Variants in CNBD1 observed in about 807,000 individuals in gnomAD.
CNBD1 encodes cyclic nucleotide binding domain containing 1.
Under a neutral mutation model 54.4 loss-of-function variants are expected in CNBD1, and 71 were observed. The observed-to-expected ratio is 1.30, with a 90% CI of 1.08 to 1.59. CNBD1 has a LOEUF of 1.59. CNBD1 is among the 40% of genes most tolerant of loss of function. The probability of loss-of-function intolerance (pLI) is 0.00; values close to 1 mark genes in which losing one functional copy is unlikely to be tolerated. For missense variants in CNBD1, 659 were observed against 518.0 expected, an observed-to-expected ratio of 1.27 and a Z score of -2.64; for synonymous variants, 182 against 170.7, an observed-to-expected ratio of 1.07 and a Z score of -0.51.
intron 6 of CNBD1, among the ~76,000 whole-genome samples, chr8:87,258,150 G>C (rs919824161): frequency 6.6e-6 from 1 of 152,094 alleles, no homozygotes; most frequent in South Asian, 2.1e-4. Flanking sequence ...TTAGAGATCA[G>C]AAAAGACCAT....
chr8:87,309,085 T>G (rs1355083101), intron 8 of CNBD1, among the ~76,000 whole-genome samples: 1 of 152,108 alleles, frequency 6.6e-6, no homozygotes, highest in Non-Finnish European at 1.5e-5. Context: ...ATGCTGATTT[T>G]CGTTCTTTTG....
At chr8:87,423,506 A>G (rs1807983866) in intron 2 of CNBD1, among the ~76,000 whole-genome samples, 1 of 151,586 alleles carries the variant, frequency 6.6e-6, no homozygotes, top group South Asian at 2.1e-4. Context: ...ATTTTGTCAA[A>G]GGCCTTTTCT....
At chr8:87,043,818 G>A (rs1000640333) in intron 4 of CNBD1, among the ~76,000 whole-genome samples, 1 of 152,134 alleles carries the variant, frequency 6.6e-6, no homozygotes, top group African/African-American at 2.4e-5. Context: ...TATTTCTTTA[G>A]CGTAGCAACA....
chr8:87,279,212 G>T (rs1260103359), intron 6 of CNBD1, among the ~76,000 whole-genome samples: 1 of 150,906 alleles, frequency 6.6e-6, no homozygotes, highest in Non-Finnish European at 1.5e-5. Context: ...TGTAATTTAG[G>T]GTACACTTTA....
At chr8:86,903,331 A>C (rs1808967437) in intron 2 of CNBD1, among the ~76,000 whole-genome samples, 1 of 152,154 alleles carries the variant, frequency 6.6e-6, no homozygotes, top group Non-Finnish European at 1.5e-5. Context: ...TTTGGAAATA[A>C]ATTTTTTATC....
intron 4 of CNBD1, among the ~76,000 whole-genome samples, chr8:87,001,377 G>A (rs866547144): frequency 6.6e-6 from 1 of 151,934 alleles, no homozygotes; most frequent in Non-Finnish European, 1.5e-5. Context: ...ATTTATTTAA[G>A]TTTTGCTTTA....
At chr8:86,892,006 TAGAG>T (rs921059833) in intron 2 of CNBD1, among the ~76,000 whole-genome samples, 7 of 151,996 alleles carry the variant, frequency 4.6e-5, no homozygotes, top group Admixed American at 2.6e-4. Context: ...TGTCTGCAAA[TAGAG>T]AGTTTCCCTG....
At chr8:86,975,447 T>C (rs1808319839) in intron 4 of CNBD1, among the ~76,000 whole-genome samples, 1 of 152,116 alleles carries the variant, frequency 6.6e-6, no homozygotes, top group African/African-American at 2.4e-5. Context: ...GTTTGACTTT[T>C]TTAGATTTTG....
chr8:87,404,205 G>A (rs747769975), intron 2 of CNBD1, among the ~76,000 whole-genome samples: 50 of 151,984 alleles, frequency 3.3e-4, no homozygotes, highest in Non-Finnish European at 6.9e-4. Context: ...GGCAGGGGTA[G>A]GGAAGTGGGG....
rs532149703 is a variant in CNBD1 at position 87,320,995 on chromosome 8, A to G, written c.1043-30690A>G. The stretch of plus-strand genomic sequence containing the variant: ...CCTGTGACTGGCTTATTTCACTTAG[A>G]ATAATATTCTCAAACTGCATCCATG... On this transcript the variant is annotated intron_variant, in intron 8 of 10. Coordinates refer to ENST00000518476, the MANE Select transcript of CNBD1 (RefSeq NM_173538.3). Among the ~76,000 whole-genome samples, 414 of 152,232 alleles carry G rather than the reference A, an allele frequency of 2.7e-3. 2 individuals carry two copies. The highest frequency in any genetic ancestry group is 5.3e-3 in the Non-Finnish European group (363 of 68,006).
At chr8:87,306,236 C>A (rs1809141461) in intron 8 of CNBD1, among the ~76,000 whole-genome samples, 1 of 151,958 alleles carries the variant, frequency 6.6e-6, no homozygotes, top group Non-Finnish European at 1.5e-5. Flanking sequence ...TAGCCATAAT[C>A]AAAAAATCAA....
intron 2 of CNBD1, among the ~76,000 whole-genome samples, chr8:87,392,195 A>G (rs1811322992): frequency 6.6e-6 from 1 of 152,062 alleles, no homozygotes; most frequent in Non-Finnish European, 1.5e-5. Context: ...GCTCTCATAC[A>G]TAGCTTGTGG....
chr8:87,058,645 A>G (rs6985102), intron 4 of CNBD1, among the ~76,000 whole-genome samples: 5,849 of 152,212 alleles, frequency 0.038, 127 homozygotes, highest in Middle Eastern at 0.054. Flanking sequence ...CTGAAGCAAT[A>G]TCCTCAGCTG....
rs186349540 is a variant in CNBD1 at position 87,353,205 on chromosome 8, G to A, written c.1153-431G>A. Among the ~76,000 whole-genome samples the A allele has an allele frequency of 5.9e-5, 9 of 152,026 alleles. No homozygotes were observed. The South Asian group carries it at 1.0e-3, about 18-fold the overall frequency. ...CCCTCCTTTTTGACTTAATACCATC[G>A]GTTCTGGCCCTGGCATTTTCTGCTT... On this transcript the variant is annotated intron_variant, in intron 9 of 10. Coordinates refer to ENST00000518476, the MANE Select transcript of CNBD1 (RefSeq NM_173538.3).
At chr8:87,165,990 A>G (rs1048925484) in intron 4 of CNBD1, among the ~76,000 whole-genome samples, 6 of 150,800 alleles carry the variant, frequency 4.0e-5, no homozygotes, top group African/African-American at 1.5e-4. Flanking sequence ...GTGAAATTAT[A>G]AAAATGAATA....
At chr8:87,111,447 C>T (rs1235847131) in intron 4 of CNBD1, among the ~76,000 whole-genome samples, 2 of 152,124 alleles carry the variant, frequency 1.3e-5, no homozygotes, top group Non-Finnish European at 2.9e-5. Context: ...GTAGGTATTC[C>T]CCTTTTCTCA....
At chr8:86,936,203 C>G (rs1217548678) in intron 3 of CNBD1, among the ~76,000 whole-genome samples, 1 of 152,074 alleles carries the variant, frequency 6.6e-6, no homozygotes, top group Non-Finnish European at 1.5e-5. Flanking sequence ...TTATTACTAA[C>G]TGAAAAATCC....
chr8:86,936,000 A>G (rs74355407), intron 3 of CNBD1, among the ~76,000 whole-genome samples: 9,461 of 152,132 alleles, frequency 0.062, 322 homozygotes, highest in African/African-American at 0.096. Context: ...TTAGCTGGGC[A>G]TTGGTGTTTT....
intron 4 of CNBD1, among the ~76,000 whole-genome samples, chr8:87,070,752 G>A (rs1337886511): frequency 6.6e-6 from 1 of 151,996 alleles, no homozygotes; most frequent in Non-Finnish European, 1.5e-5. Flanking sequence ...TAATTACCTT[G>A]CTTTTGGCAT....
Sources: gnomAD v4.1 joint callset for allele counts (sites outside exome capture counted in the v4.1 genomes callset) on GRCh38, gnomAD v4.1.1 for gene constraint, MANE v1.5 for transcripts, NCBI Gene and HGNC (gene_info 2026-07-23, HGNC 2026-07-21) for gene names.